The following PALM2AKAP2 variants were observed in gnomAD, a reference collection of about 807,000 sequenced individuals.
PALM2AKAP2 encodes the protein PALM2-AKAP2 fusion protein.
A neutral mutation model predicts 71.5 loss-of-function variants in PALM2AKAP2; 37 were observed. That is an observed-to-expected ratio of 0.52 (90% confidence interval 0.40 to 0.68). PALM2AKAP2 has a LOEUF of 0.68. Among genes scored for constraint, PALM2AKAP2 ranks in the 30% least tolerant of loss-of-function variants. PALM2AKAP2 has a pLI of 0.00. For missense variants in PALM2AKAP2, 1,224 were observed against 1,191.8 expected, an observed-to-expected ratio of 1.03 and a Z score of -0.40; for synonymous variants, 468 against 478.8, an observed-to-expected ratio of 0.98 and a Z score of 0.29.
rs191662294 is a variant in PALM2AKAP2 at position 110,014,209 on chromosome 9, C to T, written c.497-1745C>T. On this transcript the variant is annotated intron_variant, in intron 6 of 9. Transcript: ENST00000302798. Reference sequence around the variant, plus strand: ...GGATGAATATTGTTCTTGAGCTATCCTTAGATAACTATCTAAATACTTAGA... The same window carrying T: ...GGATGAATATTGTTCTTGAGCTATCTTTAGATAACTATCTAAATACTTAGA... 1.5e-3 allele frequency among the ~76,000 whole-genome samples: 223 copies of T among 152,170 alleles called. 1 individual carries two copies. The highest frequency in any genetic ancestry group is 4.8e-3 in the African/African-American group (198 of 41,526).
chr9:109,929,635 C>A (rs753717847), intron 5 of PALM2AKAP2, among the ~76,000 whole-genome samples: 1 of 151,926 alleles, frequency 6.6e-6, no homozygotes, highest in East Asian at 1.9e-4. Flanking sequence ...GAGGCCGAGG[C>A]GGGCGGATCA....
intron 1 of PALM2AKAP2, among the ~76,000 whole-genome samples, chr9:109,667,285 C>G (rs1441319439): frequency 6.6e-6 from 1 of 152,158 alleles, no homozygotes; most frequent in Non-Finnish European, 1.5e-5. Flanking sequence ...AAGGAAGACA[C>G]AGACACCACC....
chr9:109,838,440 T>C (rs987810414), intron 1 of PALM2AKAP2, among the ~76,000 whole-genome samples: 2 of 152,038 alleles, frequency 1.3e-5, no homozygotes, highest in African/African-American at 4.8e-5. Flanking sequence ...GATCTCAAAT[T>C]GACACCCTAA....
chr9:109,937,285 G>A (rs906314540), intron 6 of PALM2AKAP2, among the ~76,000 whole-genome samples: 1 of 152,048 alleles, frequency 6.6e-6, no homozygotes, highest in Non-Finnish European at 1.5e-5. Flanking sequence ...CTCACACTCC[G>A]CTCCACACCT....
chr9:109,909,799 G>A (rs1830528899), intron 3 of PALM2AKAP2, among the ~76,000 whole-genome samples: 1 of 152,176 alleles, frequency 6.6e-6, no homozygotes, highest in African/African-American at 2.4e-5. Context: ...GAGAGAACAA[G>A]GGCAATCCAG....
intron 7 of PALM2AKAP2, among the ~76,000 whole-genome samples, chr9:110,043,566 T>C (rs1480097100): frequency 6.6e-6 from 1 of 152,094 alleles, no homozygotes; most frequent in African/African-American, 2.4e-5. Context: ...AATACATATT[T>C]GTATTTTATA....
At chr9:109,739,235 A>G (rs905749004) in intron 1 of PALM2AKAP2, among the ~76,000 whole-genome samples, 2 of 152,200 alleles carry the variant, frequency 1.3e-5, no homozygotes, top group African/African-American at 4.8e-5. Flanking sequence ...GACTTAGACA[A>G]CATCTAAGCA....
chr9:109,900,494 A>G (rs1830303313), intron 3 of PALM2AKAP2, among the ~76,000 whole-genome samples: 6 of 152,214 alleles, frequency 3.9e-5, no homozygotes, highest in Admixed American at 3.9e-4. Context: ...AGATAGTAGA[A>G]ATTCAAGAAA....
chr9:110,111,237 A>C (rs543129836), intron 1 of PALM2AKAP2, among the ~76,000 whole-genome samples: 1 of 151,586 alleles, frequency 6.6e-6, no homozygotes, highest in East Asian at 1.9e-4. Context: ...GGTCACAGGC[A>C]TGCACCACCA....
chr9:110,104,259 G>T (rs1045621990), intron 1 of PALM2AKAP2, among the ~76,000 whole-genome samples: 2 of 152,070 alleles, frequency 1.3e-5, no homozygotes, highest in African/African-American at 4.8e-5. Flanking sequence ...TTTTTGTTGG[G>T]ATTTCAGATG....
At chr9:110,137,193 A>T (rs760224870) in exon 2 of PALM2AKAP2, 1 of 1,614,094 alleles carries the variant, frequency 6.2e-7, no homozygotes, top group Non-Finnish European at 8.5e-7. Context: ...ATTGTCACAG[A>T]GCAGATAGAT....
At chr9:110,091,620 A>T (rs1191011999) in intron 1 of PALM2AKAP2, among the ~76,000 whole-genome samples, 7 of 149,730 alleles carry the variant, frequency 4.7e-5, no homozygotes, top group Admixed American at 2.7e-4. Context: ...CTGCCTCCAC[A>T]CCCGGCTAAT....
intron 6 of PALM2AKAP2, among the ~76,000 whole-genome samples, chr9:109,956,665 T>C (rs1222908578): frequency 6.6e-6 from 1 of 152,196 alleles, no homozygotes; most frequent in Non-Finnish European, 1.5e-5. Flanking sequence ...TTCAGACTTT[T>C]GGGCATCATA....
intron 7 of PALM2AKAP2, among the ~76,000 whole-genome samples, chr9:110,029,276 C>G (rs1166201756): frequency 6.6e-6 from 1 of 152,180 alleles, no homozygotes; most frequent in Admixed American, 6.5e-5. Flanking sequence ...CTAGGATCTT[C>G]TTTTTAGTTG....
intron 1 of PALM2AKAP2, among the ~76,000 whole-genome samples, chr9:109,731,297 T>C (rs1416747547): frequency 6.6e-6 from 1 of 152,206 alleles, no homozygotes; most frequent in Non-Finnish European, 1.5e-5. Flanking sequence ...CTGGACATGA[T>C]TTTGCTCTTT....
intron 1 of PALM2AKAP2, among the ~76,000 whole-genome samples, chr9:109,839,141 A>T (rs1828577988): frequency 6.6e-6 from 1 of 152,216 alleles, no homozygotes; most frequent in Non-Finnish European, 1.5e-5. Context: ...CCTCAATAAA[A>T]TACCGGCAAA....
intron 1 of PALM2AKAP2, among the ~76,000 whole-genome samples, chr9:109,740,662 C>A (rs926413884): frequency 3.9e-5 from 6 of 152,070 alleles, no homozygotes; most frequent in African/African-American, 1.4e-4. Flanking sequence ...AGGACTTTTG[C>A]CTTTTCTTTT....
intron 1 of PALM2AKAP2, among the ~76,000 whole-genome samples, chr9:109,848,674 G>A (rs970487535): frequency 4.6e-5 from 7 of 151,746 alleles, no homozygotes; most frequent in Non-Finnish European, 8.8e-5. Flanking sequence ...GGGTGTGGTC[G>A]CTCACACCTG....
chr9:109,731,808 G>C (rs1028277438), intron 1 of PALM2AKAP2, among the ~76,000 whole-genome samples: 1 of 152,180 alleles, frequency 6.6e-6, no homozygotes, highest in Non-Finnish European at 1.5e-5. Context: ...AGTTAGCCAT[G>C]GTGCAGGTTA....
Sources: gnomAD v4.1 joint callset for allele counts (sites outside exome capture counted in the v4.1 genomes callset) on GRCh38, gnomAD v4.1.1 for gene constraint, MANE v1.5 for transcripts, NCBI Gene and HGNC (gene_info 2026-07-23, HGNC 2026-07-21) for gene names.